The following CERS6 variants were observed in gnomAD, a reference collection of about 807,000 sequenced individuals.
CERS6 encodes the protein LAG1 homolog, ceramide synthase 6.
A neutral mutation model predicts 56.8 loss-of-function variants in CERS6; 26 were observed. The ratio of observed to expected loss-of-function variants is 0.46; its 90% confidence interval spans 0.34 to 0.63. CERS6 has a LOEUF of 0.63. Ranked by LOEUF, CERS6 falls within the 30% of genes least tolerant of loss-of-function variation. The pLI is 0.01. For missense variants in CERS6, 415 were observed against 467.5 expected, an observed-to-expected ratio of 0.89 and a Z score of 1.04; for synonymous variants, 164 against 173.3, an observed-to-expected ratio of 0.95 and a Z score of 0.42.
intron 4 of CERS6, among the ~76,000 whole-genome samples, chr2:168,632,871 C>T (rs750285909): frequency 5.3e-5 from 8 of 152,036 alleles, no homozygotes; most frequent in South Asian, 2.1e-4. Context: ...AGGATGAGCA[C>T]GTTTTTGCTC....
At chr2:168,710,228 CA>C (rs1157579458) in intron 6 of CERS6, among the ~76,000 whole-genome samples, 1 of 152,180 alleles carries the variant, frequency 6.6e-6, no homozygotes, top group Non-Finnish European at 1.5e-5. Context: ...ATATCAGATA[CA>C]TCTCAGGAAA....
At chr2:168,531,465 G>C (rs905995690) in intron 1 of CERS6, among the ~76,000 whole-genome samples, 1 of 152,160 alleles carries the variant, frequency 6.6e-6, no homozygotes, top group Non-Finnish European at 1.5e-5. Context: ...TAAGCTGGAA[G>C]TTTTCTGGCT....
chr2:168,631,895 A>G (rs1684755185), intron 4 of CERS6, among the ~76,000 whole-genome samples: 2 of 139,510 alleles, frequency 1.4e-5, no homozygotes, highest in African/African-American at 5.3e-5. Flanking sequence ...TATATATTAC[A>G]TATTATATAT....
At chr2:168,617,533 G>A (rs1684346535) in intron 3 of CERS6, among the ~76,000 whole-genome samples, 1 of 152,022 alleles carries the variant, frequency 6.6e-6, no homozygotes, top group South Asian at 2.1e-4. Flanking sequence ...AGTTCAATTA[G>A]AAATGAAACA....
chr2:168,688,944 T>C (rs1467437191), intron 4 of CERS6, among the ~76,000 whole-genome samples: 2 of 152,080 alleles, frequency 1.3e-5, no homozygotes, highest in East Asian at 3.9e-4. Flanking sequence ...GCCAAGAAGC[T>C]CACAAAGGAA....
At chr2:168,616,243 T>C (rs1310674413) in intron 3 of CERS6, among the ~76,000 whole-genome samples, 1 of 152,128 alleles carries the variant, frequency 6.6e-6, no homozygotes, top group East Asian at 1.9e-4. Context: ...AAACAAATTC[T>C]GGAAACACAT....
At chr2:168,716,629 G>A (rs529268555) in intron 7 of CERS6, among the ~76,000 whole-genome samples, 128 of 152,162 alleles carry the variant, frequency 8.4e-4, no homozygotes, top group African/African-American at 2.8e-3. Flanking sequence ...TGGCCTAGAC[G>A]TTTCTGAAAA....
intron 3 of CERS6, among the ~76,000 whole-genome samples, chr2:168,620,789 G>C (rs1433770594): frequency 7.0e-6 from 1 of 143,412 alleles, no homozygotes; most frequent in African/African-American, 2.6e-5. Context: ...TTAAGACAAG[G>C]TCTTGCTCTG....
chr2:168,748,838 G>T (rs889287114), intron 8 of CERS6, among the ~76,000 whole-genome samples: 1 of 135,368 alleles, frequency 7.4e-6, no homozygotes, highest in Non-Finnish European at 1.6e-5. Flanking sequence ...GGGTGGGGGG[G>T]GGGCAGGTAT....
chr2:168,521,673 G>A (rs2105356685), intron 1 of CERS6, among the ~76,000 whole-genome samples: 1 of 152,306 alleles, frequency 6.6e-6, no homozygotes, highest in East Asian at 1.9e-4. Context: ...AAGTTGTCAT[G>A]TTAAACTAAT....
At chr2:168,579,553 C>A (rs924861326) in intron 3 of CERS6, among the ~76,000 whole-genome samples, 1 of 152,126 alleles carries the variant, frequency 6.6e-6, no homozygotes, top group African/African-American at 2.4e-5. Context: ...CCTCCACACC[C>A]CCTTTTCTTC....
intron 3 of CERS6, among the ~76,000 whole-genome samples, chr2:168,565,147 T>C (rs183959911): frequency 6.6e-6 from 1 of 152,310 alleles, no homozygotes; most frequent in East Asian, 1.9e-4. Flanking sequence ...AGGAGAACAT[T>C]TAGAGAACAC....
intron 1 of CERS6, among the ~76,000 whole-genome samples, chr2:168,546,701 T>A (rs1254062091): frequency 6.6e-6 from 1 of 152,244 alleles, no homozygotes; most frequent in Non-Finnish European, 1.5e-5. Flanking sequence ...TCACATGATA[T>A]GAAATTATCC....
chr2:168,736,165 G>A (rs1269511320), intron 8 of CERS6, among the ~76,000 whole-genome samples: 1 of 152,208 alleles, frequency 6.6e-6, no homozygotes, highest in Admixed American at 6.5e-5. Flanking sequence ...ATTACTGTAA[G>A]TAAGTGTAAT....
chr2:168,659,960 A>G lies in CERS6; in HGVS notation c.465+28918A>G, dbSNP rs181036014. 2.6e-5 allele frequency among the ~76,000 whole-genome samples: 4 copies of G among 152,384 alleles called. No individual in the cohort carries two copies. The East Asian group carries it at 5.8e-4, about 22-fold the overall frequency. ...CAAAATCAAGAAAACAGATTATTTT[A>G]TACTAAAGAGAGGAGAAAATTCAAA... is the stretch of plus-strand genomic sequence containing the variant. On this transcript the variant is annotated intron_variant, in intron 4 of 9. Coordinates refer to ENST00000305747, the MANE Select transcript of CERS6 (RefSeq NM_203463.3).
intron 3 of CERS6, among the ~76,000 whole-genome samples, chr2:168,582,792 T>C (rs1436054973): frequency 3.3e-5 from 5 of 152,186 alleles, no homozygotes; most frequent in African/African-American, 9.6e-5. Context: ...TTTAGGTGCC[T>C]GGATTCACAG....
chr2:168,456,332 AGCAGCGGCGGCGGCG>A lies in CERS6; in HGVS notation c.-113_-99del. ...GGAGGAGGCGGCGGCGGCGGGCGGG[AGCAGCGGCGGCGGCG>A]GCACAGGCTCGGGGCCAGCCGGGCG... On this transcript the variant is annotated 5_prime_UTR_variant, in exon 1 of 10. Transcript: ENST00000305747. This position sits in a 1 kb window ranked among gnomAD's most constrained non-coding sequence, Gnocchi z 4.1. 1.8e-6 allele frequency: 1 copy of A among 556,860 alleles called. No individual in the cohort carries two copies. Among genetic ancestry groups the A allele is most frequent in the Non-Finnish European group, 2.5e-6 (1 of 402,790 alleles). The allele number at this position is 556,860 out of a possible 1,614,324, so 34.5% of individuals were successfully genotyped here.
At chr2:168,509,864 G>A (rs1002345997) in intron 1 of CERS6, among the ~76,000 whole-genome samples, 2 of 152,020 alleles carry the variant, frequency 1.3e-5, no homozygotes, top group Admixed American at 6.6e-5. Context: ...AGTTTGAGAC[G>A]AGCCTGATCA....
At chr2:168,577,933 G>A (rs951266137) in intron 3 of CERS6, among the ~76,000 whole-genome samples, 16 of 152,124 alleles carry the variant, frequency 1.1e-4, no homozygotes, top group Admixed American at 3.3e-4. Flanking sequence ...GTACATTGTC[G>A]TTTCTGGGGA....
Sources: allele counts gnomAD v4.1 joint callset (sites outside exome capture counted in the v4.1 genomes callset), GRCh38; gene constraint gnomAD v4.1.1; non-coding constraint Gnocchi (gnomAD v3.1); transcripts MANE v1.5; gene names NCBI Gene and HGNC (gene_info 2026-07-23, HGNC 2026-07-21).